UBE2S: variants seen among roughly 807,000 people sequenced by gnomAD.
UBE2S encodes the protein ubiquitin-conjugating enzyme E2 S.
Under a neutral mutation model 12.3 loss-of-function variants are expected in UBE2S, and 3 were observed. The observed-to-expected ratio is 0.24, with a 90% confidence interval of 0.11 to 0.63. UBE2S has a LOEUF of 0.63. UBE2S is among the 30% of genes least tolerant of loss of function. The pLI, the probability that UBE2S is intolerant of heterozygous loss-of-function variation, is 0.85. For missense variants in UBE2S, 211 were observed against 313.9 expected (o/e 0.67, Z 2.48); for synonymous variants, 133 against 142.0 (o/e 0.94, Z 0.45).
intron 3 of UBE2S, chr19:55,403,102 C>G: frequency 1.0e-6 from 1 of 970,540 alleles, no homozygotes. Context: ...CCTCCACCCA[C>G]TAGATGCTAG....
At position 55,401,590 on chromosome 19, in the gene UBE2S, G is replaced by A; in HGVS notation, c.515C>T (p.Ala172Val). The A allele has an allele frequency of 6.2e-7, 1 of 1,608,516 alleles. No homozygotes were observed. Among genetic ancestry groups the A allele is most frequent in the Non-Finnish European group, 8.5e-7 (1 of 1,178,556 alleles). Reference sequence around the variant, plus strand: ...GGTGGAGGAAGCTTCAGTGCCACTGGCCAGGGCCCGACCGGCTTCGGCCCT... The same window carrying A: ...GGTGGAGGAAGCTTCAGTGCCACTGACCAGGGCCCGACCGGCTTCGGCCCT... Reference protein sequence around the residue: ...SGRAEAGRALASGTEASSTDP... With the variant: ...SGRAEAGRALVSGTEASSTDP... Residue 172 changes from alanine (A) to valine (V), a missense_variant, in exon 4 of 4, where the codon GCC becomes GTC. Physicochemically the swap from Ala to Val is moderately conservative, Grantham distance 64 (BLOSUM62 0). Around this residue, in one of 2 missense-constraint regions of UBE2S, gnomAD observed 84 missense variants for 89.9 expected, o/e 0.93. Coordinates refer to ENST00000264552, the MANE Select transcript of UBE2S (RefSeq NM_014501.3).
rs556113533 is a variant in UBE2S, at chr19:55,404,749, C to T, written c.152-271G>A. Among the ~76,000 whole-genome samples, 340 of 152,288 alleles carry T rather than the reference C, an allele frequency of 2.2e-3. 2 individuals carry two copies. The highest frequency in any genetic ancestry group is 7.9e-3 in the African/African-American group (329 of 41,564). Reference sequence around the variant, plus strand: ...TCAGCCTGCCAAGTAGCTGGGATTACGGGCATGCCACCAGGTCTGGCTACT... The same window carrying T: ...TCAGCCTGCCAAGTAGCTGGGATTATGGGCATGCCACCAGGTCTGGCTACT... On this transcript the variant is annotated intron_variant, in intron 2 of 3. Coordinates refer to ENST00000264552, the MANE Select transcript of UBE2S (RefSeq NM_014501.3). The surrounding 1 kb of genome is among the most constrained non-coding windows in gnomAD (Gnocchi z 4.4).
At position 55,402,041 on chromosome 19, in the gene UBE2S, A is replaced by G. The variant is rs970525414; in HGVS notation, c.343-279T>C. Among the ~76,000 whole-genome samples, 4 of 152,314 alleles carry G rather than the reference A, an allele frequency of 2.6e-5. No homozygotes were observed. The East Asian group carries it at 7.7e-4, about 29-fold the overall frequency. On this transcript the variant is annotated intron_variant, in intron 3 of 3. Coordinates refer to ENST00000264552, the MANE Select transcript of UBE2S (RefSeq NM_014501.3). ...GGTCCTCCGTGGAACTTGCTGGGTA[A>G]CGGGGGAAACGCCAAGGCCCCCTCT...
chr19:55,405,609 G>C (rs1028118591), intron 2 of UBE2S, among the ~76,000 whole-genome samples: 1 of 151,922 alleles, frequency 6.6e-6, no homozygotes, highest in Non-Finnish European at 1.5e-5. Flanking sequence ...GCCCCCACCT[G>C]TGTCACTATC....
In UBE2S at chr19:55,401,682, G is replaced by T; in HGVS notation, c.423C>A (p.Tyr141Ter). Reference protein sequence around the residue: ...EEAGRLLLENYEEYAARARLL... With the variant: ...EEAGRLLLEN ...GACGGGCCCGAGCCGCATACTCCTC[G>T]TAGTTCTCCAAGAGCAGGCGGCCCG... The change falls in exon 4 of 4, where the codon TAC becomes TAA. Residue 141 changes from tyrosine (Y) to a stop codon, truncating the protein, a stop_gained. Coordinates refer to ENST00000264552, the MANE Select transcript of UBE2S (RefSeq NM_014501.3). LOFTEE classifies it low-confidence loss of function (END_TRUNC). The T allele has an allele frequency of 6.2e-7, 1 of 1,612,854 alleles. No individual in the cohort carries two copies. Among genetic ancestry groups the T allele is most frequent in the Non-Finnish European group, 8.5e-7 (1 of 1,179,736 alleles).
Position 55,403,312 on chromosome 19 carries a change from A to G in UBE2S, c.342+976T>C, listed in dbSNP as rs1206104157. The G allele has an allele frequency of 2.3e-5, 13 of 556,358 alleles. No individual in the cohort carries two copies. The South Asian group carries it at 2.9e-4, about 12-fold the overall frequency. The allele number at this position is 556,358 out of a possible 1,614,324, so 34.5% of individuals were successfully genotyped here. A position where few individuals can be genotyped will look rare whatever the true frequency, so the allele number is the denominator to read the frequency against. ...GCAAAAAAGCCTCTAATGAGACCCC[A>G]TCTCTGCAAACCATAAAAATATAAA... is the stretch of plus-strand genomic sequence containing the variant. On this transcript the variant is annotated intron_variant, in intron 3 of 3. Transcript: ENST00000264552.
In UBE2S at chr19:55,404,561, C is replaced by A; in HGVS notation, c.152-83G>T. On this transcript the variant is annotated intron_variant, in intron 2 of 3. Transcript: ENST00000264552. The surrounding 1 kb of genome is among the most constrained non-coding windows in gnomAD (Gnocchi z 4.4). ...CACCCCAAAGTCCAGTCTCCACGGT[C>A]TGATTGTGATGCAGGTGGGTGCCCC... 7.6e-7 allele frequency: 1 copy of A among 1,310,354 alleles called. No homozygotes were observed. The highest frequency in any genetic ancestry group is 1.5e-5 in the South Asian group (1 of 66,858). 81.2% of individuals were successfully genotyped at this position (1,310,354 alleles called of 1,614,324 possible).
At chr19:55,401,863 C>T in intron 3 of UBE2S, 101 bp from the exon 4 acceptor site, 1 of 1,280,200 alleles carries the variant, frequency 7.8e-7, no homozygotes, top group Non-Finnish European at 1.1e-6. Context: ...CCTTCTGCTC[C>T]CAACTCAGCT....
chr19:55,403,027 G>A lies in UBE2S; in HGVS notation c.342+1261C>T, dbSNP rs550255856. 170 of 1,499,844 alleles carry A rather than the reference G, an allele frequency of 1.1e-4. No individual in the cohort carries two copies. In the African/African-American group the frequency reaches 1.9e-3, roughly 17 times the overall value. The allele number at this position is 1,499,844 out of a possible 1,614,324, so 92.9% of individuals were successfully genotyped here. ...AGGACGCCTCCACCTCAGCAACACC[G>A]CAGCCAGGTCATTCTGTGTCATGGA... On this transcript the variant is annotated intron_variant, in intron 3 of 3. Transcript: ENST00000264552.
At chr19:55,406,991 C>A (rs1251322352) in intron 1 of UBE2S, 29 bp from the exon 2 acceptor site, 3 of 1,608,972 alleles carry the variant, frequency 1.9e-6, no homozygotes, top group East Asian at 2.2e-5. Context: ...GCAGGGTGAG[C>A]GAGTGTTAAG....
Position 55,407,682 on chromosome 19 carries a change from G to C in UBE2S, c.-93C>G. The stretch of plus-strand genomic sequence containing the variant: ...CGGGGGGCCCAACTGCTGCCGCTGC[G>C]GCCCTGGAGAGGCCCCGGCGGCCCC... On this transcript the variant is annotated 5_prime_UTR_variant, in exon 1 of 4. Transcript: ENST00000264552. 9.4e-7 allele frequency: 1 copy of C among 1,068,522 alleles called. No homozygotes were observed. The highest frequency in any genetic ancestry group is 1.2e-6 in the Non-Finnish European group (1 of 825,518). The allele number at this position is 1,068,522 out of a possible 1,614,324, so 66.2% of individuals were successfully genotyped here.
At chr19:55,402,627 C>T (rs1411543232) in intron 3 of UBE2S, among the ~76,000 whole-genome samples, 1 of 152,200 alleles carries the variant, frequency 6.6e-6, no homozygotes, top group African/African-American at 2.4e-5. Context: ...GACCAGGACA[C>T]AGGTTCCCAC....
intron 2 of UBE2S, among the ~76,000 whole-genome samples, chr19:55,406,222 C>T (rs952965155): frequency 6.6e-6 from 1 of 152,230 alleles, no homozygotes; most frequent in Admixed American, 6.5e-5. Flanking sequence ...GCTGCCAGGT[C>T]TTTCCTGACC....
rs377751817 is a variant in UBE2S, at chr19:55,401,564, C to T, written c.541G>A (p.Asp181Asn). The T allele has an allele frequency of 5.7e-5, 92 of 1,610,242 alleles. 1 individual carries two copies. In the Middle Eastern group the frequency reaches 6.5e-4, roughly 11 times the overall value. Residue 181 changes from aspartate to asparagine, a missense_variant, in exon 4 of 4, where the codon GAC becomes AAC. By Grantham distance (23) the Asp-to-Asn change is conservative. Coordinates refer to ENST00000264552, the MANE Select transcript of UBE2S (RefSeq NM_014501.3). ...CCCGGGCCCCCTGGGGCCCCAGGGT[C>T]GGTGGAGGAAGCTTCAGTGCCACTG... is the stretch of plus-strand genomic sequence containing the variant. ...LASGTEASST[D>N]PGAPGGPGGA... is the part of the protein sequence containing the mutation.
chr19:55,402,633 C>T (rs950371119), intron 3 of UBE2S, among the ~76,000 whole-genome samples: 14 of 152,296 alleles, frequency 9.2e-5, no homozygotes, highest in South Asian at 2.1e-4. Context: ...GACACAGGTT[C>T]CCACCCTAAT....
At position 55,404,559 on chromosome 19, in the gene UBE2S, G is replaced by T; in HGVS notation, c.152-81C>A. ...AACACCCCAAAGTCCAGTCTCCACG[G>T]TCTGATTGTGATGCAGGTGGGTGCC... On this transcript the variant is annotated intron_variant, in intron 2 of 3. Transcript: ENST00000264552. This position sits in a 1 kb window ranked among gnomAD's most constrained non-coding sequence, Gnocchi z 4.4. 7.6e-7 allele frequency: 1 copy of T among 1,318,682 alleles called. No individual in the cohort carries two copies. Among genetic ancestry groups the T allele is most frequent in the Non-Finnish European group, 1.0e-6 (1 of 970,462 alleles). 81.7% of individuals were successfully genotyped at this position (1,318,682 alleles called of 1,614,324 possible). A position where few individuals can be genotyped will look rare whatever the true frequency, so the allele number is the denominator to read the frequency against.
intron 2 of UBE2S, among the ~76,000 whole-genome samples, chr19:55,405,844 C>T (rs1040339330): frequency 1.3e-5 from 2 of 152,216 alleles, no homozygotes; most frequent in Admixed American, 6.5e-5. Flanking sequence ...CTGTCCCTCC[C>T]CTAGCCCATC....
At chr19:55,405,046 A>G (rs895276081) in intron 2 of UBE2S, among the ~76,000 whole-genome samples, 2 of 151,622 alleles carry the variant, frequency 1.3e-5, no homozygotes, top group African/African-American at 4.8e-5. Flanking sequence ...CCCCGTCTCT[A>G]CTAAAAATAC....
intron 2 of UBE2S, among the ~76,000 whole-genome samples, chr19:55,406,319 G>A (rs2090095848): frequency 6.6e-6 from 1 of 152,208 alleles, no homozygotes; most frequent in African/African-American, 2.4e-5. Flanking sequence ...GGTGATAACA[G>A]AAATGTAGCC....
Sources: allele counts gnomAD v4.1 joint callset (sites outside exome capture counted in the v4.1 genomes callset), GRCh38; gene constraint gnomAD v4.1.1; regional missense constraint gnomAD v4.1.1; non-coding constraint Gnocchi (gnomAD v3.1); transcripts MANE v1.5; gene names NCBI Gene and HGNC (gene_info 2026-07-23, HGNC 2026-07-21).